ADGRF5: variants seen among roughly 807,000 people sequenced by gnomAD.
ADGRF5 encodes the protein adhesion G protein-coupled receptor F5.
A neutral mutation model predicts 132.3 loss-of-function variants in ADGRF5; 75 were observed. The observed-to-expected ratio is 0.57, with a 90% CI of 0.47 to 0.69. ADGRF5 has a LOEUF of 0.69. ADGRF5 is among the 30% of genes least tolerant of loss of function. The pLI is 0.00. For missense variants in ADGRF5, 1,516 were observed against 1,630.6 expected, an observed-to-expected ratio of 0.93 and a Z score of 1.21; for synonymous variants, 629 against 597.6, an observed-to-expected ratio of 1.05 and a Z score of -0.77.
chr6:46,859,367 A>C lies in ADGRF5; in HGVS notation c.2536T>G (p.Phe846Val), dbSNP rs755583854. The C allele has an allele frequency of 6.2e-7, 1 of 1,613,760 alleles. No homozygotes were observed. Among genetic ancestry groups the C allele is most frequent in the Non-Finnish European group, 8.5e-7 (1 of 1,179,800 alleles). ...CTCATCTGCACATTAGTTTGGGAGA[A>C]GGACAAAGGAGGGCTATCTCCCGAC... ...LQSGDSPPLS[F>V]SQTNVQMSSM... The change falls in exon 17 of 21, where the codon TTC becomes GTC. Residue 846 changes from phenylalanine to valine, a missense_variant. Around this residue, in one of 2 missense-constraint regions of ADGRF5, gnomAD observed 571 missense variants for 701.2 expected, o/e 0.81. Transcript: ENST00000283296.
intron 1 of ADGRF5, among the ~76,000 whole-genome samples, chr6:46,947,207 C>T (rs1031463038): frequency 1.3e-5 from 2 of 152,096 alleles, no homozygotes; most frequent in South Asian, 2.1e-4. Context: ...TAAGTAGACT[C>T]CAAAGGTGAA....
intron 3 of ADGRF5, among the ~76,000 whole-genome samples, chr6:46,898,072 T>C (rs563790937): frequency 1.3e-5 from 2 of 152,362 alleles, no homozygotes; most frequent in South Asian, 4.1e-4. Context: ...AACATTGTCA[T>C]GATTGTTTTT....
In ADGRF5 at chr6:46,863,686, T is replaced by C. The variant is rs570665577; in HGVS notation, c.1991-590A>G. Among the ~76,000 whole-genome samples the C allele has an allele frequency of 1.4e-3, 217 of 152,348 alleles. 1 individual carries two copies. Among genetic ancestry groups the C allele is most frequent in the African/African-American group, 5.1e-3 (213 of 41,582 alleles). On this transcript the variant is annotated intron_variant, in intron 14 of 20. Transcript: ENST00000283296. Reference sequence around the variant, plus strand: ...TTGCTGTGGAATCTCTCATGTCCAGTGGACCCTGACTCTGATGAGACCCCT... The same window carrying C: ...TTGCTGTGGAATCTCTCATGTCCAGCGGACCCTGACTCTGATGAGACCCCT...
upstream of ADGRF5, among the ~76,000 whole-genome samples, chr6:46,924,976 T>C (rs182451041): frequency 8.5e-5 from 13 of 152,366 alleles, no homozygotes; most frequent in African/African-American, 3.1e-4. Flanking sequence ...TCTGTCTCTG[T>C]GCATCTCCTC....
intron 1 of ADGRF5, among the ~76,000 whole-genome samples, chr6:46,935,924 C>T (rs1035979123): frequency 6.6e-5 from 10 of 152,152 alleles, no homozygotes; most frequent in African/African-American, 2.2e-4. Context: ...AGGCGTCCTC[C>T]GGAATGAGGT....
chr6:46,907,301 T>A (rs1027835852), intron 1 of ADGRF5, among the ~76,000 whole-genome samples: 1 of 152,218 alleles, frequency 6.6e-6, no homozygotes, highest in African/African-American at 2.4e-5. Context: ...CATATTATAG[T>A]GCATAATATA....
rs757178304 is a variant in ADGRF5 at position 46,883,668 on chromosome 6, G to A, written c.506-3C>T. Reference sequence around the variant, plus strand: ...GACTCTCATGTTCAGGGTAACATCTGTTGAAAAACACAGGGCAATATTTAA... The same window carrying A: ...GACTCTCATGTTCAGGGTAACATCTATTGAAAAACACAGGGCAATATTTAA... On this transcript the variant is annotated splice_polypyrimidine_tract_variant and splice_region_variant and intron_variant, in intron 5 of 20. Coordinates refer to ENST00000283296, the MANE Select transcript of ADGRF5 (RefSeq NM_001098518.2). The A allele has an allele frequency of 6.8e-7, 1 of 1,478,914 alleles. No individual in the cohort carries two copies. The highest frequency in any genetic ancestry group is 2.0e-5 in the Admixed American group (1 of 49,590). 91.6% of individuals were successfully genotyped at this position (1,478,914 alleles called of 1,614,324 possible). A position where few individuals can be genotyped will look rare whatever the true frequency, so the allele number is the denominator to read the frequency against.
intron 1 of ADGRF5, among the ~76,000 whole-genome samples, chr6:46,938,868 C>G (rs932041905): frequency 8.4e-6 from 1 of 119,528 alleles, no homozygotes; most frequent in Non-Finnish European, 1.7e-5. Flanking sequence ...ATTCTTTCTA[C>G]TTTTCTGATT....
chr6:46,899,882 A>C, intron 3 of ADGRF5, 147 bp downstream of exon 3: 1 of 624,518 alleles, frequency 1.6e-6, no homozygotes, highest in African/African-American at 1.8e-5. Context: ...GGAGTTTCCT[A>C]GTAATTATTT....
intron 19 of ADGRF5, among the ~76,000 whole-genome samples, chr6:46,856,332 G>C (rs971654946): frequency 6.6e-6 from 1 of 152,192 alleles, no homozygotes; most frequent in Non-Finnish European, 1.5e-5. Flanking sequence ...GTTCCAAAAT[G>C]AACTACAGAA....
At chr6:46,921,645 G>GT (rs1776960354) in intron 1 of ADGRF5, 68 bp downstream of exon 1, 1 of 152,226 alleles carries the variant, frequency 6.6e-6, no homozygotes, top group Non-Finnish European at 1.5e-5. Flanking sequence ...AAGTGACTTA[G>GT]GAGCCCCTGA....
At chr6:46,930,828 G>T (rs1777523503) in intron 1 of ADGRF5, among the ~76,000 whole-genome samples, 2 of 152,124 alleles carry the variant, frequency 1.3e-5, no homozygotes, top group African/African-American at 4.8e-5. Context: ...TGAGGCAGGG[G>T]GATCCCTTGA....
intron 1 of ADGRF5, among the ~76,000 whole-genome samples, chr6:46,914,640 G>T (rs956666976): frequency 6.6e-6 from 1 of 151,822 alleles, no homozygotes; most frequent in African/African-American, 2.4e-5. Flanking sequence ...TTGTTGTTAA[G>T]TCACTGTGGG....
chr6:46,858,831 G>C lies in ADGRF5; in HGVS notation c.3072C>G (p.Ile1024Met). The C allele has an allele frequency of 6.2e-7, 1 of 1,614,128 alleles. No individual in the cohort carries two copies. Among genetic ancestry groups the C allele is most frequent in the Non-Finnish European group, 8.5e-7 (1 of 1,179,976 alleles). Residue 1024 changes from isoleucine to methionine, a missense_variant, in exon 17 of 21, where the codon ATC (isoleucine) becomes ATG (methionine). Physicochemically the swap from Ile to Met is conservative, Grantham distance 10. Transcript: ENST00000283296. Reference sequence around the variant, plus strand: ...CAACTAGACAGGCTGCCAAGCTCAAGATGGAAAAGCCCACCCCAACATAAG... The same window carrying C: ...CAACTAGACAGGCTGCCAAGCTCAACATGGAAAAGCCCACCCCAACATAAG... The part of the protein sequence containing the change: ...IISYVGVGFS[I>M]LSLAACLVVE...
At chr6:46,932,751 C>T (rs1490726941) in intron 1 of ADGRF5, among the ~76,000 whole-genome samples, 1 of 152,182 alleles carries the variant, frequency 6.6e-6, no homozygotes, top group East Asian at 1.9e-4. Context: ...AAATATTCAT[C>T]CCACCTCCCT....
chr6:46,866,862 A>C, intron 13 of ADGRF5, 63 bp downstream of exon 13: 1 of 1,001,720 alleles, frequency 1.0e-6, no homozygotes, highest in Non-Finnish European at 1.6e-6. Context: ...TTTTAAGACT[A>C]AATTTTTAGA....
intron 1 of ADGRF5, among the ~76,000 whole-genome samples, chr6:46,953,683 A>ATCTATATATATC (rs1778610276): frequency 7.9e-6 from 1 of 126,642 alleles, no homozygotes; most frequent in African/African-American, 2.8e-5. Context: ...ATATATATAT[A>ATCTATATATATC]TATATATCTC....
chr6:46,936,811 C>A (rs1011258304), intron 1 of ADGRF5, among the ~76,000 whole-genome samples: 2 of 152,134 alleles, frequency 1.3e-5, no homozygotes, highest in Non-Finnish European at 2.9e-5. Context: ...GAGATCCCAG[C>A]GGGAGGTTGT....
chr6:46,859,687 A>G (rs1769503402), intron 16 of ADGRF5, among the ~76,000 whole-genome samples, 164 bp from the exon 17 acceptor site: 1 of 152,198 alleles, frequency 6.6e-6, no homozygotes, highest in South Asian at 2.1e-4. Flanking sequence ...CTTATGGCAG[A>G]GTTTAGCAAA....
Sources: allele counts gnomAD v4.1 joint callset (sites outside exome capture counted in the v4.1 genomes callset), GRCh38; gene constraint gnomAD v4.1.1; regional missense constraint gnomAD v4.1.1; transcripts MANE v1.5; gene names NCBI Gene and HGNC (gene_info 2026-07-23, HGNC 2026-07-21).